The following MSI2 variants were observed in gnomAD, a reference collection of about 807,000 sequenced individuals.
The protein encoded by MSI2 is RNA-binding protein Musashi homolog 2.
MSI2 carries 17 observed loss-of-function variants against 45.6 expected under a neutral mutation model. The observed-to-expected ratio is 0.37, with a 90% CI of 0.26 to 0.56. The LOEUF (loss-of-function observed/expected upper bound fraction) is 0.56, where lower values mean the gene tolerates loss of function less well. Ranked by LOEUF, MSI2 falls within the 20% of genes least tolerant of loss-of-function variation. The probability of loss-of-function intolerance (pLI) is 0.77; values close to 1 mark genes in which losing one functional copy is unlikely to be tolerated. For synonymous variants in MSI2, 156 were observed against 158.2 expected (o/e 0.99, Z 0.11); for missense variants, 293 against 444.2 (o/e 0.66, Z 3.06).
At chr17:57,293,587 G>GTT (rs769797340) in intron 5 of MSI2, among the ~76,000 whole-genome samples, 7 of 65,374 alleles carry the variant, frequency 1.1e-4, no homozygotes. Flanking sequence ...GTGCTTTATT[G>GTT]TTTTTTTGTT....
intron 5 of MSI2, among the ~76,000 whole-genome samples, chr17:57,293,913 T>TG (rs908408122): frequency 2.0e-5 from 3 of 151,332 alleles, no homozygotes; most frequent in African/African-American, 7.3e-5. Context: ...CAGCCTGTTT[T>TG]TTTTTTTTTT....
intron 11 of MSI2, 115 bp from the exon 12 acceptor site, chr17:57,674,857 G>A: frequency 2.1e-6 from 3 of 1,462,934 alleles, no homozygotes; most frequent in Non-Finnish European, 2.8e-6. Context: ...TGTTTGGCTT[G>A]TAATGACCGG....
chr17:57,305,756 T>G (rs919585293), intron 5 of MSI2, among the ~76,000 whole-genome samples: 2 of 152,172 alleles, frequency 1.3e-5, no homozygotes, highest in African/African-American at 4.8e-5. Context: ...GGGTTGCGTA[T>G]TCTGTTCCTT....
chr17:57,436,501 T>C (rs2084692930), intron 6 of MSI2, among the ~76,000 whole-genome samples: 1 of 152,236 alleles, frequency 6.6e-6, no homozygotes, highest in South Asian at 2.1e-4. Context: ...GATGCTCTGC[T>C]GGGTGGATGT....
intron 5 of MSI2, among the ~76,000 whole-genome samples, chr17:57,385,421 T>G (rs1225445495): frequency 6.6e-6 from 1 of 152,184 alleles, no homozygotes. Flanking sequence ...CCCTTCTCTC[T>G]TGTCTTCCTG....
chr17:57,477,095 G>T (rs2085551706), intron 6 of MSI2, among the ~76,000 whole-genome samples: 1 of 151,166 alleles, frequency 6.6e-6, no homozygotes, highest in African/African-American at 2.4e-5. Flanking sequence ...GGCAGGGTAG[G>T]GTCAAAAGAT....
chr17:57,290,022 G>A (rs146215108), intron 5 of MSI2, among the ~76,000 whole-genome samples: 1 of 152,368 alleles, frequency 6.6e-6, no homozygotes, highest in Non-Finnish European at 1.5e-5. Context: ...CAGTTGGAGA[G>A]GGTGTGGGGA....
intron 9 of MSI2, 68 bp downstream of exon 9, chr17:57,616,152 G>C (rs1907668254): frequency 1.6e-6 from 2 of 1,244,336 alleles, no homozygotes; most frequent in African/African-American, 1.5e-5. Context: ...CTCCCAACTG[G>C]GTCACCTACC....
intron 7 of MSI2, among the ~76,000 whole-genome samples, chr17:57,571,930 C>A (rs1375385134): frequency 1.3e-5 from 2 of 152,176 alleles, no homozygotes; most frequent in African/African-American, 2.4e-5. Flanking sequence ...TCCCTCATGT[C>A]CTCTCAATCC....
chr17:57,536,996 A>G (rs1204677676), intron 7 of MSI2, among the ~76,000 whole-genome samples: 1 of 152,206 alleles, frequency 6.6e-6, no homozygotes, highest in Non-Finnish European at 1.5e-5. Flanking sequence ...TAGAAACTCA[A>G]TATGATTGAG....
chr17:57,560,746 A>G (rs2087554356), intron 7 of MSI2, among the ~76,000 whole-genome samples: 1 of 152,174 alleles, frequency 6.6e-6, no homozygotes. Context: ...TATGGAGAGG[A>G]GTCATTAGGG....
chr17:57,318,173 GA>G (rs1913011809), intron 5 of MSI2, among the ~76,000 whole-genome samples: 1 of 150,006 alleles, frequency 6.7e-6, no homozygotes. Context: ...ATGGAAGGTG[GA>G]AGGTGAGAAG....
At chr17:57,318,102 T>C (rs1567754025) in intron 5 of MSI2, among the ~76,000 whole-genome samples, 1 of 152,062 alleles carries the variant, frequency 6.6e-6, no homozygotes, top group East Asian at 1.9e-4. Flanking sequence ...TGAGCTGAGA[T>C]TGCACCACTG....
intron 6 of MSI2, among the ~76,000 whole-genome samples, chr17:57,465,501 C>A (rs188240488): frequency 6.6e-6 from 1 of 152,154 alleles, no homozygotes; most frequent in Admixed American, 6.5e-5. Context: ...AATAAGTTGC[C>A]CTTGGTGTCA....
intron 12 of MSI2, among the ~76,000 whole-genome samples, chr17:57,676,591 A>G (rs1913251380): frequency 6.6e-6 from 1 of 152,226 alleles, no homozygotes; most frequent in Admixed American, 6.5e-5. Flanking sequence ...ATAACCAGAA[A>G]GCATCCCAGT....
chr17:57,257,556 T>G lies in MSI2; in HGVS notation c.185+9T>G. ...ACTACGAAACGCTCCAGGTAAACCA[T>G]TCCCTTCTGGATTTTGTCTTTATTT... On this transcript the variant is annotated intron_variant, in intron 3 of 13. Transcript: ENST00000284073. The G allele has an allele frequency of 6.4e-7, 1 of 1,550,738 alleles. No individual in the cohort carries two copies. Among genetic ancestry groups the G allele is most frequent in the Non-Finnish European group, 8.9e-7 (1 of 1,127,094 alleles).
At chr17:57,404,113 A>G (rs1050126630) in intron 6 of MSI2, among the ~76,000 whole-genome samples, 7 of 152,058 alleles carry the variant, frequency 4.6e-5, no homozygotes, top group African/African-American at 1.7e-4. Context: ...CAGGCCATTT[A>G]CTCACATTAT....
At chr17:57,557,094 G>A (rs1023014880) in intron 7 of MSI2, among the ~76,000 whole-genome samples, 7 of 152,182 alleles carry the variant, frequency 4.6e-5, no homozygotes, top group Admixed American at 1.3e-4. Context: ...CGATAATAGC[G>A]TTCCTCATCC....
intron 6 of MSI2, 66 bp downstream of exon 6, chr17:57,401,537 A>T: frequency 7.8e-7 from 1 of 1,283,624 alleles, no homozygotes; most frequent in Non-Finnish European, 1.1e-6. Flanking sequence ...AGAAGAGGCT[A>T]CCGTGGCCCC....
Sources: allele counts gnomAD v4.1 joint callset (sites outside exome capture counted in the v4.1 genomes callset), GRCh38; gene constraint gnomAD v4.1.1; transcripts MANE v1.5; gene names NCBI Gene and HGNC (gene_info 2026-07-23, HGNC 2026-07-21).